Variants in SQOR observed in about 807,000 individuals in gnomAD.
The protein encoded by SQOR is sulfide:quinone oxidoreductase, mitochondrial.
A neutral mutation model predicts 48.6 loss-of-function variants in SQOR; 39 were observed. That is an observed-to-expected ratio of 0.80 (90% CI 0.62 to 1.05). SQOR has a LOEUF of 1.05. Among genes scored for constraint, SQOR ranks in the 50% least tolerant of loss-of-function variants. SQOR has a pLI of 0.00. For missense variants in SQOR, 561 were observed against 559.9 expected (o/e 1.00, Z -0.02); for synonymous variants, 220 against 206.2 (o/e 1.07, Z -0.57).
chr15:45,655,709 A>C (rs1441072884), intron 1 of SQOR, among the ~76,000 whole-genome samples: 1 of 149,164 alleles, frequency 6.7e-6, no homozygotes, highest in African/African-American at 2.5e-5. Flanking sequence ...TTTGAGACAG[A>C]GTCTCACTCT....
intron 1 of SQOR, among the ~76,000 whole-genome samples, chr15:45,647,395 C>A (rs1249194137): frequency 1.3e-5 from 2 of 149,242 alleles, no homozygotes; most frequent in East Asian, 4.1e-4. Flanking sequence ...GAGGCAGTCT[C>A]CACTCACTGC....
At position 45,687,946 on chromosome 15, in the gene SQOR, TG is replaced by T. The variant is rs375355278; in HGVS notation, c.1049-387del. ...CCTGCTTTGTCTTATTGGAAATGCCTGGGGCTACCAATCCAGACTGCCTGTG... is the reference window on the plus strand; with the variant it reads ...CCTGCTTTGTCTTATTGGAAATGCCTGGGCTACCAATCCAGACTGCCTGTG... On this transcript the variant is annotated intron_variant, in intron 7 of 9. Transcript: ENST00000260324. Among the ~76,000 whole-genome samples the T allele has an allele frequency of 6.2e-4, 94 of 152,340 alleles. 1 individual carries two copies. The East Asian group carries it at 0.016, about 26-fold the overall frequency.
At chr15:45,671,978 T>G (rs957726407) in intron 4 of SQOR, among the ~76,000 whole-genome samples, 1 of 152,158 alleles carries the variant, frequency 6.6e-6, no homozygotes, top group African/African-American at 2.4e-5. Context: ...GGGAAGCAAC[T>G]CTGACTAGAT....
intron 1 of SQOR, among the ~76,000 whole-genome samples, chr15:45,638,461 G>T (rs186072120): frequency 6.6e-6 from 1 of 152,110 alleles, no homozygotes; most frequent in Non-Finnish European, 1.5e-5. Context: ...GGTGGCTCAC[G>T]CCTGTAATCC....
chr15:45,672,557 T>C (rs893286420), intron 4 of SQOR, among the ~76,000 whole-genome samples: 6 of 151,940 alleles, frequency 3.9e-5, no homozygotes, highest in African/African-American at 1.5e-4. Context: ...ACTTTGGAGG[T>C]GGCCCAGAGA....
chr15:45,682,564 T>A lies in SQOR; in HGVS notation c.951T>A (p.Asp317Glu). The A allele has an allele frequency of 6.2e-7, 1 of 1,614,160 alleles. No individual in the cohort carries two copies. The highest frequency in any genetic ancestry group is 1.6e-4 in the Middle Eastern group (1 of 6,062). The change falls in exon 7 of 10, where the codon GAT becomes GAA. Residue 317 changes from aspartate to glutamate, a missense_variant. By Grantham distance (45) the Asp-to-Glu change is conservative. Transcript: ENST00000260324. ...SPVADAAGWV[D>E]VDKETLQHRR... ...TGGCTGATGCTGCTGGTTGGGTGGATGTGGATAAAGAAACTCTGCAACACA... is the reference window on the plus strand; with the variant it reads ...TGGCTGATGCTGCTGGTTGGGTGGAAGTGGATAAAGAAACTCTGCAACACA...
At chr15:45,658,577 T>C (rs1889657988) in intron 1 of SQOR, among the ~76,000 whole-genome samples, 1 of 152,190 alleles carries the variant, frequency 6.6e-6, no homozygotes, top group Admixed American at 6.5e-5. Flanking sequence ...AACCAGATGG[T>C]GCCCTAGATC....
rs537335539 is a variant in SQOR at position 45,659,693 on chromosome 15, C to A, written c.234+536C>A. Reference sequence around the variant, plus strand: ...TCTGTGTCCCTGTGTCTTCACATGACCCTTTTATAAAGCCACCATTCATTG... The same window carrying A: ...TCTGTGTCCCTGTGTCTTCACATGAACCTTTTATAAAGCCACCATTCATTG... On this transcript the variant is annotated intron_variant, in intron 2 of 9. Coordinates refer to ENST00000260324, the MANE Select transcript of SQOR (RefSeq NM_021199.4). Among the ~76,000 whole-genome samples the A allele has an allele frequency of 8.5e-5, 13 of 152,318 alleles. No homozygotes were observed. The East Asian group carries it at 2.3e-3, about 27-fold the overall frequency.
At chr15:45,652,787 C>T (rs1008660913) in intron 1 of SQOR, among the ~76,000 whole-genome samples, 3 of 151,202 alleles carry the variant, frequency 2.0e-5, no homozygotes, top group Non-Finnish European at 2.9e-5. Flanking sequence ...GTCTGGCCAA[C>T]GTGGTGAAAC....
chr15:45,651,248 C>G (rs946434484), intron 1 of SQOR, among the ~76,000 whole-genome samples: 2 of 152,190 alleles, frequency 1.3e-5, no homozygotes, highest in African/African-American at 4.8e-5. Context: ...GCTGCTGGCC[C>G]GTGCTAAGCC....
chr15:45,647,974 A>G (rs1280451931), intron 1 of SQOR, among the ~76,000 whole-genome samples: 1 of 152,200 alleles, frequency 6.6e-6, no homozygotes, highest in Admixed American at 6.5e-5. Context: ...TTCCTGAATT[A>G]TTAGATAGTT....
In SQOR at chr15:45,635,806, T is replaced by G. The variant is rs72713190; in HGVS notation, c.-18+698T>G. Among the ~76,000 whole-genome samples the G allele has an allele frequency of 7.1e-3, 1,082 of 152,140 alleles. 3 individuals carry two copies. Among genetic ancestry groups the G allele is most frequent in the Admixed American group, 9.7e-3 (148 of 15,240 alleles). ...TTCCATTTTTGTGCTGTGCACCCCT[T>G]TGGCATTTCTGGGAAGGCTAAAGAC... On this transcript the variant is annotated intron_variant, in intron 1 of 9. Transcript: ENST00000260324.
rs1409821500 is a variant in SQOR, at chr15:45,690,954, T to C, written c.1296-19T>C. The C allele has an allele frequency of 6.2e-7, 1 of 1,613,434 alleles. No homozygotes were observed. Among genetic ancestry groups the C allele is most frequent in the Non-Finnish European group, 8.5e-7 (1 of 1,179,468 alleles). ...ATCTCTCTTGCTGCAGGTACATTTTTTTGTGTTATTTCTTACAGGGGTTAC... is the reference window on the plus strand; with the variant it reads ...ATCTCTCTTGCTGCAGGTACATTTTCTTGTGTTATTTCTTACAGGGGTTAC... On this transcript the variant is annotated intron_variant, in intron 9 of 9. Coordinates refer to ENST00000260324, the MANE Select transcript of SQOR (RefSeq NM_021199.4).
At chr15:45,686,652 A>G (rs919588210) in intron 7 of SQOR, among the ~76,000 whole-genome samples, 1 of 152,222 alleles carries the variant, frequency 6.6e-6, no homozygotes, top group African/African-American at 2.4e-5. Flanking sequence ...GTGGGCCCAC[A>G]AGGCCTGCAA....
chr15:45,659,514 T>C lies in SQOR; in HGVS notation c.234+357T>C, dbSNP rs560915583. 2.0e-5 allele frequency among the ~76,000 whole-genome samples: 3 copies of C among 152,324 alleles called. No individual in the cohort carries two copies. The East Asian group carries it at 5.8e-4, about 29-fold the overall frequency. ...AAGCTATGGGCAAGGCCATGCTCCC[T>C]CTGCAGCCTGGGTGAGAGGGATGGG... On this transcript the variant is annotated intron_variant, in intron 2 of 9. Coordinates refer to ENST00000260324, the MANE Select transcript of SQOR (RefSeq NM_021199.4).
chr15:45,689,078 A>T lies in SQOR; in HGVS notation c.1156A>T (p.Asn386Tyr). The change falls in exon 9 of 10, where the codon AAC becomes TAC. Residue 386 changes from asparagine to tyrosine, a missense_variant. Transcript: ENST00000260324. Reference sequence around the variant, plus strand: ...ATCATGTCCACTGGTGACCGGCTACAACCGTGTGATTCTTGCTGAGTTTGA... The same window carrying T: ...ATCATGTCCACTGGTGACCGGCTACTACCGTGTGATTCTTGCTGAGTTTGA... ...YTSCPLVTGY[N>Y]RVILAEFDYK... 1 of 1,614,208 alleles carries T rather than the reference A, an allele frequency of 6.2e-7. No homozygotes were observed. Among genetic ancestry groups the T allele is most frequent in the Non-Finnish European group, 8.5e-7 (1 of 1,180,038 alleles).
intron 3 of SQOR, among the ~76,000 whole-genome samples, chr15:45,668,026 C>A (rs954668029): frequency 2.1e-4 from 30 of 145,518 alleles, no homozygotes; most frequent in Non-Finnish European, 3.6e-4. Flanking sequence ...CTCACTGCAA[C>A]CTCTACCTCC....
intron 3 of SQOR, among the ~76,000 whole-genome samples, chr15:45,663,974 A>G (rs1359314791): frequency 1.3e-5 from 2 of 152,230 alleles, no homozygotes; most frequent in Admixed American, 1.3e-4. Context: ...TATTCTAGTC[A>G]GGGAGAACAT....
At chr15:45,686,528 C>T (rs1319711828) in intron 7 of SQOR, among the ~76,000 whole-genome samples, 1 of 152,150 alleles carries the variant, frequency 6.6e-6, no homozygotes, top group Admixed American at 6.5e-5. Flanking sequence ...AAAATCATTG[C>T]TTCTTTGATT....
Sources: allele counts gnomAD v4.1 joint callset (sites outside exome capture counted in the v4.1 genomes callset), GRCh38; gene constraint gnomAD v4.1.1; transcripts MANE v1.5; gene names NCBI Gene and HGNC (gene_info 2026-07-23, HGNC 2026-07-21).